SOX5: variants seen among roughly 807,000 people sequenced by gnomAD.
SOX5 encodes the protein SRY-box transcription factor 5.
Under a neutral mutation model 92.0 loss-of-function variants are expected in SOX5, and 9 were observed. The ratio of observed to expected loss-of-function variants is 0.10; its 90% CI spans 0.06 to 0.17. The LOEUF is 0.17. SOX5 is among the 10% of genes least tolerant of loss of function. SOX5 has a pLI of 1.00. For missense variants in SOX5, 642 were observed against 944.5 expected (o/e 0.68, Z 4.20); for synonymous variants, 344 against 336.3 (o/e 1.02, Z -0.25).
At chr12:23,871,804 C>A (rs1403292119) in intron 2 of SOX5, among the ~76,000 whole-genome samples, 1 of 151,894 alleles carries the variant, frequency 6.6e-6, no homozygotes, top group African/African-American at 2.4e-5. Flanking sequence ...AAAACAGGAT[C>A]ATGAGACCCT....
At chr12:23,941,348 A>T (rs1342421733) in intron 1 of SOX5, among the ~76,000 whole-genome samples, 1 of 151,602 alleles carries the variant, frequency 6.6e-6, no homozygotes, top group Non-Finnish European at 1.5e-5. Context: ...TCTCTAGAAG[A>T]ATGCTTTTAA....
At chr12:23,750,893 G>A (rs1005639792) in intron 4 of SOX5, among the ~76,000 whole-genome samples, 1 of 151,810 alleles carries the variant, frequency 6.6e-6, no homozygotes, top group Non-Finnish European at 1.5e-5. Flanking sequence ...TTTACACACT[G>A]GCATGAGGAC....
intron 4 of SOX5, among the ~76,000 whole-genome samples, chr12:24,068,777 A>G (rs1382223849): frequency 7.1e-6 from 1 of 141,044 alleles, no homozygotes; most frequent in African/African-American, 2.6e-5. Context: ...CCTAGTTTAT[A>G]TCCAAGATAA....
chr12:23,628,800 C>CT (rs113869280), intron 8 of SOX5, among the ~76,000 whole-genome samples: 51 of 145,710 alleles, frequency 3.5e-4, no homozygotes, highest in South Asian at 2.4e-3. Flanking sequence ...CTGGCTTAAG[C>CT]TTTTTTTTTT....
At chr12:24,549,779 C>T (rs1013127465) in intron 1 of SOX5, among the ~76,000 whole-genome samples, 4 of 152,228 alleles carry the variant, frequency 2.6e-5, no homozygotes, top group East Asian at 3.9e-4. Context: ...GAATCTTAGT[C>T]GCATCCATGT....
chr12:23,800,159 T>A (rs990458425), intron 3 of SOX5, among the ~76,000 whole-genome samples: 1 of 151,944 alleles, frequency 6.6e-6, no homozygotes, highest in Admixed American at 6.6e-5. Context: ...TTTCAACATT[T>A]TTAAATGGTT....
At position 23,585,493 on chromosome 12, in the gene SOX5, T is replaced by C. The variant is rs190449106; in HGVS notation, c.1165-9655A>G. 3.8e-4 allele frequency among the ~76,000 whole-genome samples: 58 copies of C among 152,262 alleles called. 1 individual carries two copies. Among genetic ancestry groups the C allele is most frequent in the African/African-American group, 1.3e-3 (55 of 41,550 alleles). On this transcript the variant is annotated intron_variant, in intron 9 of 14. Transcript: ENST00000451604. ...ACAGATAGAGGAAAGGGGGCAGTCA[T>C]TGAAGACAAAGGTAAAAAGTCCAAA...
intron 6 of SOX5, among the ~76,000 whole-genome samples, chr12:23,700,389 C>T (rs965770324): frequency 2.0e-5 from 3 of 152,114 alleles, no homozygotes; most frequent in Admixed American, 2.0e-4. Flanking sequence ...CCATCTTAAA[C>T]TTCTCATTTT....
intron 1 of SOX5, among the ~76,000 whole-genome samples, chr12:24,385,498 C>T (rs7976406): frequency 0.42 from 63,577 of 151,882 alleles, 13,409 homozygotes; most frequent in South Asian, 0.56. Flanking sequence ...GCATCTGATA[C>T]ACGACTAGAG....
intron 1 of SOX5, among the ~76,000 whole-genome samples, chr12:24,425,207 A>G (rs1237782878): frequency 1.3e-5 from 2 of 152,162 alleles, no homozygotes; most frequent in African/African-American, 2.4e-5. Flanking sequence ...CCTAGGGACT[A>G]TGTCTTCTTC....
chr12:23,980,580 A>T (rs1448629185), intron 4 of SOX5, among the ~76,000 whole-genome samples: 1 of 152,158 alleles, frequency 6.6e-6, no homozygotes, highest in East Asian at 1.9e-4. Flanking sequence ...TGGTTGTCTT[A>T]GTTCTAACAT....
intron 4 of SOX5, among the ~76,000 whole-genome samples, chr12:24,192,074 A>T (rs1352528980): frequency 2.0e-5 from 3 of 152,236 alleles, no homozygotes; most frequent in Admixed American, 2.0e-4. Context: ...ATTTGCTACC[A>T]TTTAGTTAAA....
chr12:24,507,837 T>C (rs1386824550), intron 1 of SOX5, among the ~76,000 whole-genome samples: 2 of 152,128 alleles, frequency 1.3e-5, no homozygotes, highest in African/African-American at 2.4e-5. Flanking sequence ...AAATCTAACA[T>C]TGAATATAAT....
intron 1 of SOX5, among the ~76,000 whole-genome samples, chr12:24,478,111 AT>A: frequency 6.6e-6 from 1 of 152,358 alleles, no homozygotes; most frequent in Non-Finnish European, 1.5e-5. Flanking sequence ...TACTTGTGAC[AT>A]CCAAATGTTT....
At chr12:23,676,720 G>A (rs1278904968) in intron 6 of SOX5, among the ~76,000 whole-genome samples, 1 of 152,232 alleles carries the variant, frequency 6.6e-6, no homozygotes. Flanking sequence ...ACTATGTAAA[G>A]TAATGCCTTG....
chr12:23,704,372 A>G (rs1021656294), intron 6 of SOX5, among the ~76,000 whole-genome samples: 15 of 151,846 alleles, frequency 9.9e-5, no homozygotes, highest in African/African-American at 3.6e-4. Flanking sequence ...AATATGCAAA[A>G]TCAATTCTTC....
upstream of SOX5, among the ~76,000 whole-genome samples, chr12:23,950,341 G>A (rs16915575): frequency 9.5e-3 from 1,450 of 152,052 alleles, 20 homozygotes; most frequent in African/African-American, 0.032. Flanking sequence ...TTGACAGATT[G>A]AAATATAGCA....
chr12:24,043,962 G>A (rs1956764540), intron 4 of SOX5, among the ~76,000 whole-genome samples: 1 of 152,022 alleles, frequency 6.6e-6, no homozygotes, highest in African/African-American at 2.4e-5. Context: ...AGAGATTTGG[G>A]GTAAGGATTA....
intron 1 of SOX5, among the ~76,000 whole-genome samples, chr12:24,375,074 G>A (rs1008018398): frequency 2.0e-5 from 3 of 151,996 alleles, no homozygotes; most frequent in African/African-American, 7.2e-5. Context: ...CTGGGTTCAC[G>A]CCATTCTCCT....
Sources: gnomAD v4.1 joint callset for allele counts (sites outside exome capture counted in the v4.1 genomes callset) on GRCh38, gnomAD v4.1.1 for gene constraint, MANE v1.5 for transcripts, NCBI Gene and HGNC (gene_info 2026-07-23, HGNC 2026-07-21) for gene names.